The following STON1 variants were observed in gnomAD, a reference collection of about 807,000 sequenced individuals.
STON1 encodes stonin-1.
In STON1, 79 loss-of-function variants were observed where a neutral mutation model predicts 60.9. That is an observed-to-expected ratio of 1.30 (90% CI 1.08 to 1.56). The LOEUF is 1.56. STON1 is among the 40% of genes most tolerant of loss of function. The pLI is 0.00. For synonymous variants in STON1, 363 were observed against 306.9 expected (o/e 1.18, Z -1.91); for missense variants, 1,166 against 858.9 (o/e 1.36, Z -4.47).
chr2:48,573,985 A>G (rs557474413), intron 1 of STON1, among the ~76,000 whole-genome samples: 1 of 152,336 alleles, frequency 6.6e-6, no homozygotes, highest in South Asian at 2.1e-4. Context: ...TCACAGGCAC[A>G]GAAAGTAGTT....
chr2:48,591,893 G>C (rs1674535879), intron 3 of STON1, 38 bp downstream of exon 3: 2 of 1,602,560 alleles, frequency 1.2e-6, no homozygotes, highest in Non-Finnish European at 1.7e-6. Context: ...ACCTGATTTG[G>C]CTTTAAATAT....
In STON1 at chr2:48,558,321, T is replaced by C. The variant is rs72822298; in HGVS notation, c.-47-22266T>C. Among the ~76,000 whole-genome samples, 549 of 152,304 alleles carry C rather than the reference T, an allele frequency of 3.6e-3. 1 individual carries two copies. Among genetic ancestry groups the C allele is most frequent in the South Asian group, 9.3e-3 (45 of 4,830 alleles). ...ATATATCAATGGAATTCCGTGGAAG[T>C]AGAGAGGAATAGAAGCAAACATGCT... On this transcript the variant is annotated intron_variant, in intron 1 of 3. Transcript: ENST00000404752.
At chr2:48,578,299 A>G (rs1028726266) in intron 1 of STON1, among the ~76,000 whole-genome samples, 1 of 152,144 alleles carries the variant, frequency 6.6e-6, no homozygotes, top group Non-Finnish European at 1.5e-5. Flanking sequence ...TGTTGAGTTG[A>G]TGGTTGTGTA....
chr2:48,587,590 C>T (rs546586218), intron 2 of STON1, among the ~76,000 whole-genome samples: 1 of 152,312 alleles, frequency 6.6e-6, no homozygotes, highest in South Asian at 2.1e-4. Flanking sequence ...TGCGTCCGGC[C>T]TCCCATGAGT....
chr2:48,551,293 T>C (rs1300665476), intron 1 of STON1, among the ~76,000 whole-genome samples: 1 of 152,168 alleles, frequency 6.6e-6, no homozygotes, highest in Admixed American at 6.5e-5. Context: ...CTTGGGGACA[T>C]AGTGCAACAA....
chr2:48,565,683 C>T (rs1201687754), intron 1 of STON1, among the ~76,000 whole-genome samples: 2 of 152,188 alleles, frequency 1.3e-5, no homozygotes, highest in Admixed American at 1.3e-4. Context: ...AGTTGGGCCT[C>T]TTTAGCTTCC....
chr2:48,533,497 T>C (rs1671297585), intron 1 of STON1, among the ~76,000 whole-genome samples: 1 of 151,796 alleles, frequency 6.6e-6, no homozygotes, highest in Non-Finnish European at 1.5e-5. Flanking sequence ...GATACCAGCC[T>C]GGCCAACATG....
At chr2:48,558,918 A>T (rs1672497442) in intron 1 of STON1, among the ~76,000 whole-genome samples, 1 of 152,214 alleles carries the variant, frequency 6.6e-6, no homozygotes, top group African/African-American at 2.4e-5. Flanking sequence ...ATACAGGTTG[A>T]GTGTCCCTAA....
intron 3 of STON1, among the ~76,000 whole-genome samples, chr2:48,592,436 GT>G (rs869162575): frequency 1.4e-3 from 203 of 142,454 alleles, no homozygotes; most frequent in African/African-American, 4.1e-3. Context: ...GTAGTTTTCA[GT>G]TTTTTTTTTT....
At chr2:48,553,824 T>G (rs1389883314) in intron 1 of STON1, among the ~76,000 whole-genome samples, 1 of 152,144 alleles carries the variant, frequency 6.6e-6, no homozygotes, top group Non-Finnish European at 1.5e-5. Flanking sequence ...CCTCGTAGAT[T>G]GTTTGAGTTT....
chr2:48,583,123 C>G (rs1421420770), intron 2 of STON1, among the ~76,000 whole-genome samples: 1 of 152,252 alleles, frequency 6.6e-6, no homozygotes, highest in East Asian at 1.9e-4. Context: ...GCATCTCACT[C>G]TGTCATCCAG....
chr2:48,559,527 G>C (rs1429804915), intron 1 of STON1, among the ~76,000 whole-genome samples: 2 of 152,168 alleles, frequency 1.3e-5, no homozygotes, highest in African/African-American at 4.8e-5. Context: ...TCTTGTTACT[G>C]TCACATTGGG....
intron 1 of STON1, among the ~76,000 whole-genome samples, chr2:48,577,643 T>G (rs1673594457): frequency 6.6e-6 from 1 of 151,714 alleles, no homozygotes; most frequent in South Asian, 2.1e-4. Flanking sequence ...GGGGAGGAGA[T>G]TCACTCTTGT....
chr2:48,546,389 G>A (rs1375877480), intron 1 of STON1, among the ~76,000 whole-genome samples: 1 of 152,126 alleles, frequency 6.6e-6, no homozygotes, highest in East Asian at 1.9e-4. Context: ...ACTCAGCTCT[G>A]TGCACTCTGT....
At chr2:48,553,213 G>T (rs1672173675) in intron 1 of STON1, among the ~76,000 whole-genome samples, 1 of 152,140 alleles carries the variant, frequency 6.6e-6, no homozygotes, top group Non-Finnish European at 1.5e-5. Flanking sequence ...TCCTCTTGAT[G>T]GAAGAGGGGC....
At chr2:48,587,598 A>G (rs567957749) in intron 2 of STON1, among the ~76,000 whole-genome samples, 1 of 152,314 alleles carries the variant, frequency 6.6e-6, no homozygotes, top group South Asian at 2.1e-4. Flanking sequence ...GCCTCCCATG[A>G]GTATTTATTA....
intron 1 of STON1, among the ~76,000 whole-genome samples, chr2:48,562,949 A>G (rs1254568603): frequency 6.6e-6 from 1 of 152,232 alleles, no homozygotes; most frequent in Admixed American, 6.5e-5. Context: ...CCCAGAGAGA[A>G]CAGCCCAAGA....
At chr2:48,552,516 A>T (rs1672146420) in intron 1 of STON1, among the ~76,000 whole-genome samples, 1 of 152,058 alleles carries the variant, frequency 6.6e-6, no homozygotes, top group African/African-American at 2.4e-5. Flanking sequence ...TAATCCCAGC[A>T]CTTTGGGAGG....
intron 1 of STON1, among the ~76,000 whole-genome samples, chr2:48,575,900 A>G (rs910747844): frequency 6.6e-6 from 1 of 150,998 alleles, no homozygotes; most frequent in Admixed American, 6.6e-5. Context: ...CTGAGATTAC[A>G]GGTGTGCGCC....
Sources: gnomAD v4.1 joint callset for allele counts (sites outside exome capture counted in the v4.1 genomes callset) on GRCh38, gnomAD v4.1.1 for gene constraint, MANE v1.5 for transcripts, NCBI Gene and HGNC (gene_info 2026-07-23, HGNC 2026-07-21) for gene names.